Variants in TBX20 observed in about 807,000 individuals in gnomAD.
TBX20 encodes the protein T-box transcription factor TBX20.
Under a neutral mutation model 42.9 loss-of-function variants are expected in TBX20, and 8 were observed. That is an observed-to-expected ratio of 0.19 (90% CI 0.11 to 0.34). TBX20 has a LOEUF of 0.34. TBX20 is among the 10% of genes least tolerant of loss of function. TBX20 has a pLI of 1.00. For synonymous variants in TBX20, 198 were observed against 222.8 expected, an observed-to-expected ratio of 0.89 and a Z score of 0.99; for missense variants, 411 against 566.0, an observed-to-expected ratio of 0.73 and a Z score of 2.78.
intron 6 of TBX20, among the ~76,000 whole-genome samples, chr7:35,224,726 T>C (rs1232860357): frequency 6.6e-6 from 1 of 152,082 alleles, no homozygotes; most frequent in African/African-American, 2.4e-5. Context: ...AGAGACAATA[T>C]GACTATATTA....
chr7:35,239,828 T>C (rs1330614322), intron 5 of TBX20, among the ~76,000 whole-genome samples: 1 of 152,138 alleles, frequency 6.6e-6, no homozygotes, highest in South Asian at 2.1e-4. Context: ...CTCTGCTCAC[T>C]GCAACCCCCG....
rs1179053235 is a variant in TBX20 at position 35,244,026 on chromosome 7, A to G, written c.654+923T>C. ...TTCAAACACTTCCTCTAAATTGCAT[A>G]GATTTGATCCTTACACATTGTATAT... On this transcript the variant is annotated intron_variant, in intron 4 of 7. Coordinates refer to ENST00000408931, the MANE Select transcript of TBX20 (RefSeq NM_001077653.2). Among the ~76,000 whole-genome samples the G allele has an allele frequency of 7.9e-5, 12 of 152,364 alleles. No homozygotes were observed. The South Asian group carries it at 1.0e-3, about 13-fold the overall frequency.
chr7:35,225,743 C>G (rs985665631), intron 6 of TBX20, among the ~76,000 whole-genome samples: 1 of 152,102 alleles, frequency 6.6e-6, no homozygotes, highest in Non-Finnish European at 1.5e-5. Context: ...AAATTCAACA[C>G]GAGCCTAAGC....
At chr7:35,220,082 T>C (rs945910716) in intron 6 of TBX20, among the ~76,000 whole-genome samples, 20 of 152,168 alleles carry the variant, frequency 1.3e-4, no homozygotes, top group African/African-American at 4.8e-4. Flanking sequence ...GTGCCAACTA[T>C]ATATTAAAAT....
At chr7:35,208,982 T>C (rs912801968) in intron 6 of TBX20, among the ~76,000 whole-genome samples, 4 of 152,168 alleles carry the variant, frequency 2.6e-5, no homozygotes, top group African/African-American at 7.2e-5. Flanking sequence ...GAGACAATCA[T>C]ATAGTTTTGT....
At chr7:35,233,817 C>T (rs1414633502) in intron 5 of TBX20, among the ~76,000 whole-genome samples, 1 of 152,208 alleles carries the variant, frequency 6.6e-6, no homozygotes, top group Non-Finnish European at 1.5e-5. Context: ...TATGCTTTCA[C>T]AATAATTCAT....
At chr7:35,232,703 A>T (rs1789890333) in intron 5 of TBX20, among the ~76,000 whole-genome samples, 1 of 152,220 alleles carries the variant, frequency 6.6e-6, no homozygotes. Context: ...AAAGTAAGGA[A>T]TACACAATCA....
chr7:35,210,328 G>A lies in TBX20; in HGVS notation c.891-5746C>T, dbSNP rs533528123. On this transcript the variant is annotated intron_variant, in intron 6 of 7. Coordinates refer to ENST00000408931, the MANE Select transcript of TBX20 (RefSeq NM_001077653.2). The stretch of plus-strand genomic sequence containing the variant: ...GACCGGGTTTCACCATTTTAGCCAG[G>A]ATGGTCTCGATCTCCTGACCTCATG... Among the ~76,000 whole-genome samples the A allele has an allele frequency of 2.0e-4, 31 of 151,782 alleles. No individual in the cohort carries two copies. The East Asian group carries it at 5.8e-3, about 28-fold the overall frequency.
chr7:35,243,697 T>TA (rs58551309), intron 4 of TBX20, among the ~76,000 whole-genome samples: 54,339 of 151,620 alleles, frequency 0.36, 10,169 homozygotes, highest in Admixed American at 0.46. Flanking sequence ...GGAAGCATGT[T>TA]AAAAAAAACA....
intron 3 of TBX20, among the ~76,000 whole-genome samples, chr7:35,247,172 A>G (rs1292585924): frequency 6.6e-6 from 1 of 150,834 alleles, no homozygotes; most frequent in Non-Finnish European, 1.5e-5. Context: ...GGGCAAAAAA[A>G]AAAAAAAAAA....
chr7:35,230,391 T>C (rs1266651138), intron 6 of TBX20, among the ~76,000 whole-genome samples: 1 of 152,116 alleles, frequency 6.6e-6, no homozygotes, highest in Non-Finnish European at 1.5e-5. Context: ...CCAACCAACT[T>C]GTCAAGCTCT....
chr7:35,253,050 GCT>G (rs1481069978), intron 1 of TBX20, among the ~76,000 whole-genome samples: 2 of 151,982 alleles, frequency 1.3e-5, no homozygotes, highest in African/African-American at 4.8e-5. Flanking sequence ...CAAAGAGCTT[GCT>G]CTGTTTTGTC....
At chr7:35,248,336 G>A (rs1235087958) in intron 3 of TBX20, among the ~76,000 whole-genome samples, 1 of 152,062 alleles carries the variant, frequency 6.6e-6, no homozygotes, top group African/African-American at 2.4e-5. Flanking sequence ...TATTCACTCT[G>A]GTTTTAAGCA....
At position 35,204,685 on chromosome 7, in the gene TBX20, G is replaced by A. The variant is rs532886037; in HGVS notation, c.891-103C>T. ...ACTAATCAGTAAAACCATTTTCTCA[G>A]CCAAAAAGCAACCACTGCACAGAAA... On this transcript the variant is annotated intron_variant, in intron 6 of 7. Transcript: ENST00000408931. 6 of 816,342 alleles carry A rather than the reference G, an allele frequency of 7.3e-6. No homozygotes were observed. The African/African-American group carries it at 1.0e-4, about 14-fold the overall frequency. The allele number at this position is 816,342 out of a possible 1,614,324, so 50.6% of individuals were successfully genotyped here. A position where few individuals can be genotyped will look rare whatever the true frequency, so the allele number is the denominator to read the frequency against.
At chr7:35,210,166 G>A (rs1217015433) in intron 6 of TBX20, among the ~76,000 whole-genome samples, 4 of 148,384 alleles carry the variant, frequency 2.7e-5, no homozygotes, top group Non-Finnish European at 4.4e-5. Flanking sequence ...CCAGGCTGGA[G>A]TGCAGTGGCG....
At chr7:35,228,611 T>C (rs1310717786) in intron 6 of TBX20, among the ~76,000 whole-genome samples, 1 of 152,168 alleles carries the variant, frequency 6.6e-6, no homozygotes, top group Non-Finnish European at 1.5e-5. Flanking sequence ...TTATTTTTCT[T>C]TTCTCAGAAG....
chr7:35,253,157 G>A (rs1304447213), intron 1 of TBX20, among the ~76,000 whole-genome samples: 1 of 152,212 alleles, frequency 6.6e-6, no homozygotes, highest in East Asian at 1.9e-4. Flanking sequence ...TACATGCACA[G>A]TAAATCCTGT....
At chr7:35,212,870 G>A (rs1225756826) in intron 6 of TBX20, among the ~76,000 whole-genome samples, 3 of 152,136 alleles carry the variant, frequency 2.0e-5, no homozygotes, top group African/African-American at 7.2e-5. Flanking sequence ...ACTCAAAAGG[G>A]ATCCTCTATA....
chr7:35,246,484 A>C (rs1364276078), intron 3 of TBX20, among the ~76,000 whole-genome samples: 2 of 152,226 alleles, frequency 1.3e-5, no homozygotes, highest in African/African-American at 4.8e-5. Context: ...TCTAAGGATC[A>C]CATTCACCAC....
Sources: allele counts gnomAD v4.1 joint callset (sites outside exome capture counted in the v4.1 genomes callset), GRCh38; gene constraint gnomAD v4.1.1; transcripts MANE v1.5; gene names NCBI Gene and HGNC (gene_info 2026-07-23, HGNC 2026-07-21).